Variants in MEF2A observed in about 807,000 individuals in gnomAD.
The protein encoded by MEF2A is myocyte enhancer factor 2A, also known as myocyte-specific enhancer factor 2A.
Under a neutral mutation model 55.8 loss-of-function variants are expected in MEF2A, and 28 were observed. The ratio of observed to expected loss-of-function variants is 0.50; its 90% CI spans 0.37 to 0.69. The LOEUF (loss-of-function observed/expected upper bound fraction) is 0.69, where lower values mean the gene tolerates loss of function less well. Ranked by LOEUF, MEF2A falls within the 30% of genes least tolerant of loss-of-function variation. MEF2A has a pLI of 0.00. For missense variants in MEF2A, 528 were observed against 626.2 expected (o/e 0.84, Z 1.67); for synonymous variants, 239 against 227.1 (o/e 1.05, Z -0.47).
intron 3 of MEF2A, among the ~76,000 whole-genome samples, chr15:99,636,708 C>T (rs1045092668): frequency 4.6e-5 from 7 of 152,072 alleles, no homozygotes; most frequent in Non-Finnish European, 1.0e-4. Flanking sequence ...TTTTCCCTTT[C>T]CTTTATGAGT....
chr15:99,575,848 A>G (rs988963098), intron 1 of MEF2A, among the ~76,000 whole-genome samples: 1 of 152,178 alleles, frequency 6.6e-6, no homozygotes, highest in Non-Finnish European at 1.5e-5. Context: ...GATATAATGG[A>G]TTCTTTTTTA....
At chr15:99,674,302 CTTGAGTTA>C in intron 5 of MEF2A, 83 bp from the exon 6 acceptor site, 1 of 1,178,890 alleles carries the variant, frequency 8.5e-7, no homozygotes, top group East Asian at 2.3e-5. Flanking sequence ...CTTTTAGTAA[CTTGAGTTA>C]CCTTGCCAAA....
rs1965986406 is a variant in MEF2A at position 99,581,700 on chromosome 15, T to C, written c.-225+15596T>C. On this transcript the variant is annotated intron_variant, in intron 1 of 11. Coordinates refer to ENST00000557942, the MANE Select transcript of MEF2A (RefSeq NM_001319206.4). ...GAAACATATATAAGATATAGCTCTT[T>C]GCTTCTAGGAGGTAATGGTTTAGGC... 2.0e-5 allele frequency among the ~76,000 whole-genome samples: 3 copies of C among 152,164 alleles called. No homozygotes were observed. The South Asian group carries it at 6.2e-4, about 31-fold the overall frequency.
chr15:99,568,914 A>C (rs1960897683), intron 1 of MEF2A, among the ~76,000 whole-genome samples: 1 of 152,252 alleles, frequency 6.6e-6, no homozygotes, highest in Non-Finnish European at 1.5e-5. Context: ...TTGTGGACCA[A>C]AAATGATCAC....
chr15:99,578,283 A>AT (rs1402671440), intron 1 of MEF2A, among the ~76,000 whole-genome samples: 2 of 152,124 alleles, frequency 1.3e-5, no homozygotes, highest in Admixed American at 6.5e-5. Context: ...TTATATCAGT[A>AT]TGGACTTAGA....
intron 3 of MEF2A, among the ~76,000 whole-genome samples, chr15:99,633,992 T>C (rs564712329): frequency 6.6e-6 from 1 of 152,372 alleles, no homozygotes; most frequent in African/African-American, 2.4e-5. Flanking sequence ...AGAAAAAGTT[T>C]ACCAACTCCT....
chr15:99,710,892 A>G (rs2058570980), intron 11 of MEF2A, 132 bp downstream of exon 11: 1 of 1,070,706 alleles, frequency 9.3e-7, no homozygotes, highest in South Asian at 1.8e-5. Context: ...AGGTAGATAC[A>G]AGTGTCGGGA....
At position 99,709,964 on chromosome 15, in the gene MEF2A, A is replaced by G. The variant is rs76790011; in HGVS notation, c.1010-670A>G. 5.8e-3 allele frequency among the ~76,000 whole-genome samples: 881 copies of G among 152,234 alleles called. 9 individuals carry two copies. Among genetic ancestry groups the G allele is most frequent in the African/African-American group, 0.019 (786 of 41,524 alleles). On this transcript the variant is annotated intron_variant, in intron 10 of 11. Coordinates refer to ENST00000557942, the MANE Select transcript of MEF2A (RefSeq NM_001319206.4). ...AGGGATTCTGTCTTTCCTGTCCCCT[A>G]TTCCCTGTCCCCCAACCCCTTGCTT...
intron 2 of MEF2A, among the ~76,000 whole-genome samples, chr15:99,610,320 T>C (rs1489033159): frequency 1.3e-5 from 2 of 151,756 alleles, no homozygotes; most frequent in Non-Finnish European, 2.9e-5. Context: ...TCTTTATTGA[T>C]TGGCAGATTT....
intron 4 of MEF2A, among the ~76,000 whole-genome samples, chr15:99,661,588 G>T (rs1338881303): frequency 6.6e-6 from 1 of 152,002 alleles, no homozygotes; most frequent in African/African-American, 2.4e-5. Context: ...TACTTGAATA[G>T]GTGCCTCACA....
intron 4 of MEF2A, among the ~76,000 whole-genome samples, chr15:99,664,615 TG>T (rs2049260007): frequency 6.6e-6 from 1 of 152,126 alleles, no homozygotes; most frequent in African/African-American, 2.4e-5. Flanking sequence ...TGAGTGAGTA[TG>T]GGGACAGTAG....
chr15:99,705,690 T>A (rs933036003), intron 9 of MEF2A, among the ~76,000 whole-genome samples: 4 of 152,246 alleles, frequency 2.6e-5, no homozygotes, highest in African/African-American at 7.2e-5. Context: ...CCTTTTTGTC[T>A]GATGTACCCT....
intron 7 of MEF2A, 86 bp from the exon 8 acceptor site, chr15:99,690,155 A>G (rs907221975): frequency 6.9e-6 from 9 of 1,310,250 alleles, no homozygotes; most frequent in Non-Finnish European, 8.5e-6. Context: ...TTTATTTGCA[A>G]CTCAGACTGG....
At chr15:99,665,597 T>C (rs2049465222) in intron 4 of MEF2A, among the ~76,000 whole-genome samples, 1 of 151,996 alleles carries the variant, frequency 6.6e-6, no homozygotes, top group Non-Finnish European at 1.5e-5. Context: ...CTGATTAAAC[T>C]AAAGAGCTTC....
intron 3 of MEF2A, among the ~76,000 whole-genome samples, chr15:99,635,611 C>G (rs778616050): frequency 5.9e-5 from 9 of 151,994 alleles, no homozygotes. Flanking sequence ...TTCCCCCTGC[C>G]CCAAGGAAGG....
chr15:99,582,775 T>C (rs1472062269), intron 1 of MEF2A, among the ~76,000 whole-genome samples: 1 of 152,150 alleles, frequency 6.6e-6, no homozygotes, highest in East Asian at 1.9e-4. Context: ...TTCTGTGAGA[T>C]ACAGTAGGTA....
intron 2 of MEF2A, among the ~76,000 whole-genome samples, chr15:99,630,725 G>A (rs754200395): frequency 1.2e-4 from 18 of 152,270 alleles, no homozygotes; most frequent in African/African-American, 4.1e-4. Context: ...TGCCTTAATC[G>A]AATGAGGGAT....
chr15:99,567,627 C>CTGTGTGTGTGTGTGTGTG (rs370539645), intron 1 of MEF2A, among the ~76,000 whole-genome samples: 7 of 143,776 alleles, frequency 4.9e-5, no homozygotes, highest in East Asian at 2.0e-4. Context: ...TTTGTATGTA[C>CTGTGTGTGTGTGTGTGTG]TGTGTGTGTG....
At chr15:99,666,655 C>T (rs1345738861) in intron 4 of MEF2A, among the ~76,000 whole-genome samples, 3 of 151,496 alleles carry the variant, frequency 2.0e-5, no homozygotes, top group Non-Finnish European at 4.4e-5. Context: ...TAAAGTTCCT[C>T]TTCTTTTAGG....
Sources: gnomAD v4.1 joint callset for allele counts (sites outside exome capture counted in the v4.1 genomes callset) on GRCh38, gnomAD v4.1.1 for gene constraint, MANE v1.5 for transcripts, NCBI Gene and HGNC (gene_info 2026-07-23, HGNC 2026-07-21) for gene names.